CSMD1: variants seen among roughly 807,000 people sequenced by gnomAD.
CSMD1 encodes CUB and Sushi multiple domains 1, also known as CUB and sushi domain-containing protein 1.
CSMD1 carries 213 observed loss-of-function variants against 417.5 expected under a neutral mutation model. The observed-to-expected ratio is 0.51, with a 90% CI of 0.46 to 0.57. The LOEUF (loss-of-function observed/expected upper bound fraction) is 0.57. Ranked by LOEUF, CSMD1 falls within the 20% of genes least tolerant of loss-of-function variation. CSMD1 has a pLI of 0.00. For missense variants in CSMD1, 6,923 were observed against 4,529.7 expected, an observed-to-expected ratio of 1.53 and a Z score of -15.17; for synonymous variants, 2,862 against 1,736.8, an observed-to-expected ratio of 1.65 and a Z score of -16.11.
intron 33 of CSMD1, among the ~76,000 whole-genome samples, chr8:3,193,246 C>A (rs1585614579): frequency 6.6e-6 from 1 of 152,136 alleles, no homozygotes; most frequent in South Asian, 2.1e-4. Flanking sequence ...GTACACAAGT[C>A]ACTATTAACT....
intron 1 of CSMD1, among the ~76,000 whole-genome samples, chr8:4,689,715 C>T (rs1584948740): frequency 1.3e-5 from 2 of 152,132 alleles, no homozygotes; most frequent in East Asian, 3.9e-4. Context: ...AAATGAACTG[C>T]AGATCGTCTT....
chr8:4,513,303 A>C (rs1035783990), intron 2 of CSMD1, among the ~76,000 whole-genome samples: 5 of 152,162 alleles, frequency 3.3e-5, no homozygotes, highest in African/African-American at 1.2e-4. Flanking sequence ...CTGTGCACCT[A>C]AAACTACTCT....
intron 10 of CSMD1, among the ~76,000 whole-genome samples, chr8:3,558,200 C>G (rs1030597384): frequency 6.3e-5 from 9 of 143,556 alleles, no homozygotes; most frequent in African/African-American, 2.4e-4. Flanking sequence ...ATGAATAGTG[C>G]CTCAGTAGTA....
intron 1 of CSMD1, among the ~76,000 whole-genome samples, chr8:4,908,988 G>T (rs10216719): frequency 6.6e-6 from 1 of 151,820 alleles, no homozygotes; most frequent in Non-Finnish European, 1.5e-5. Context: ...GCTTTTTCTC[G>T]TTTTCTTTTT....
chr8:3,957,358 G>T (rs1187799976), intron 5 of CSMD1, among the ~76,000 whole-genome samples: 1 of 152,092 alleles, frequency 6.6e-6, no homozygotes, highest in Admixed American at 6.5e-5. Flanking sequence ...CTACGTGCTA[G>T]GCACCAAGGC....
chr8:4,177,748 A>T (rs1798132178), intron 3 of CSMD1, among the ~76,000 whole-genome samples: 1 of 151,408 alleles, frequency 6.6e-6, no homozygotes, highest in Admixed American at 6.6e-5. Flanking sequence ...TAAAGGGGAT[A>T]TCACCACCGA....
intron 18 of CSMD1, among the ~76,000 whole-genome samples, chr8:3,372,460 G>A (rs774565053): frequency 7.2e-5 from 11 of 152,166 alleles, no homozygotes; most frequent in South Asian, 2.1e-4. Flanking sequence ...ATACACAGTG[G>A]TGAAGGGAGG....
Position 3,929,238 on chromosome 8 carries a change from C to G in CSMD1, c.818+68665G>C, listed in dbSNP as rs534552605. Among the ~76,000 whole-genome samples, 10 of 150,418 alleles carry G rather than the reference C, an allele frequency of 6.6e-5. 1 individual carries two copies. The East Asian group carries it at 2.0e-3, about 29-fold the overall frequency. The stretch of plus-strand genomic sequence containing the variant: ...TCTCTTACATAAAGGAGGTGTTTGT[C>G]CATATACACATATGGACAGGATGAT... On this transcript the variant is annotated intron_variant, in intron 5 of 69. Transcript: ENST00000635120.
At chr8:3,758,269 C>T (rs954995665) in intron 5 of CSMD1, among the ~76,000 whole-genome samples, 5 of 152,216 alleles carry the variant, frequency 3.3e-5, no homozygotes, top group Non-Finnish European at 7.3e-5. Context: ...CAGCCTTGCA[C>T]AGATTCCTTT....
At chr8:3,295,465 C>T (rs933189215) in intron 25 of CSMD1, among the ~76,000 whole-genome samples, 2 of 151,820 alleles carry the variant, frequency 1.3e-5, no homozygotes, top group Non-Finnish European at 2.9e-5. Context: ...GACCGTTATA[C>T]TGAAAAAAAG....
intron 10 of CSMD1, among the ~76,000 whole-genome samples, chr8:3,512,060 G>A (rs1192422690): frequency 6.6e-6 from 1 of 152,090 alleles, no homozygotes; most frequent in Non-Finnish European, 1.5e-5. Context: ...CCACTATGTG[G>A]CCCTAGAGAG....
intron 5 of CSMD1, among the ~76,000 whole-genome samples, chr8:3,927,563 G>T (rs1809832410): frequency 6.7e-6 from 1 of 149,630 alleles, no homozygotes. Context: ...TACTAGAGAG[G>T]CTGAGGCAGG....
At chr8:4,357,561 T>A (rs561756660) in intron 3 of CSMD1, among the ~76,000 whole-genome samples, 4 of 152,186 alleles carry the variant, frequency 2.6e-5, no homozygotes, top group African/African-American at 9.6e-5. Context: ...AAAAAAAAAA[T>A]CTGTCATTCT....
intron 26 of CSMD1, among the ~76,000 whole-genome samples, chr8:3,233,632 G>C (rs1798979434): frequency 6.6e-6 from 1 of 151,996 alleles, no homozygotes. Context: ...TATAGTATTT[G>C]GTTTCCTATT....
chr8:3,954,644 G>A (rs1246829801), intron 5 of CSMD1, among the ~76,000 whole-genome samples: 3 of 152,228 alleles, frequency 2.0e-5, no homozygotes, highest in Admixed American at 6.5e-5. Flanking sequence ...TTACAGGCGT[G>A]AGCCACCGCA....
At chr8:4,638,688 C>T (rs890577972) in intron 1 of CSMD1, among the ~76,000 whole-genome samples, 3 of 152,156 alleles carry the variant, frequency 2.0e-5, no homozygotes, top group Non-Finnish European at 4.4e-5. Context: ...AGCAGGACAT[C>T]TCACGTTTTA....
At chr8:3,920,811 A>G (rs1480817805) in intron 5 of CSMD1, among the ~76,000 whole-genome samples, 3 of 152,126 alleles carry the variant, frequency 2.0e-5, no homozygotes, top group Non-Finnish European at 2.9e-5. Flanking sequence ...CTTGCATCCC[A>G]GCGATAAATC....
intron 26 of CSMD1, among the ~76,000 whole-genome samples, chr8:3,264,432 T>TGG (rs1801290915): frequency 1.3e-5 from 2 of 152,142 alleles, no homozygotes; most frequent in Admixed American, 6.5e-5. Flanking sequence ...CACACAAGTG[T>TGG]CAGGAGAATC....
At chr8:3,803,516 C>T (rs545720827) in intron 5 of CSMD1, among the ~76,000 whole-genome samples, 52 of 152,252 alleles carry the variant, frequency 3.4e-4, no homozygotes, top group African/African-American at 1.2e-3. Context: ...GCACAGAAAA[C>T]CCAGGGGCTG....
Sources: gnomAD v4.1 joint callset for allele counts (sites outside exome capture counted in the v4.1 genomes callset) on GRCh38, gnomAD v4.1.1 for gene constraint, MANE v1.5 for transcripts, NCBI Gene and HGNC (gene_info 2026-07-23, HGNC 2026-07-21) for gene names.